PHF14: variants seen among roughly 807,000 people sequenced by gnomAD.
PHF14 encodes the protein PHD finger protein 14.
Under a neutral mutation model 117.9 loss-of-function variants are expected in PHF14, and 55 were observed. The ratio of observed to expected loss-of-function variants is 0.47; its 90% CI spans 0.38 to 0.58. PHF14 has a LOEUF of 0.58. Among genes scored for constraint, PHF14 ranks in the 20% least tolerant of loss-of-function variants. The pLI, the probability that PHF14 is intolerant of heterozygous loss-of-function variation, is 0.00. For synonymous variants in PHF14, 409 were observed against 368.6 expected (o/e 1.11, Z -1.26); for missense variants, 978 against 1,122.2 (o/e 0.87, Z 1.84).
chr7:11,039,468 A>T (rs1329572125), intron 11 of PHF14, among the ~76,000 whole-genome samples: 1 of 152,146 alleles, frequency 6.6e-6, no homozygotes, highest in Non-Finnish European at 1.5e-5. Context: ...TTATTGTTAG[A>T]TGGATTTCTT....
intron 14 of PHF14, among the ~76,000 whole-genome samples, chr7:11,057,625 C>T (rs183162730): frequency 2.6e-5 from 4 of 152,266 alleles, no homozygotes; most frequent in Non-Finnish European, 5.9e-5. Flanking sequence ...CTACCCGCCT[C>T]GGCCTCCCAA....
intron 17 of PHF14, among the ~76,000 whole-genome samples, chr7:11,157,673 G>T (rs1788906115): frequency 6.6e-6 from 1 of 152,052 alleles, no homozygotes; most frequent in Non-Finnish European, 1.5e-5. Flanking sequence ...ATTTTCTAAT[G>T]GTTCTTAAAC....
chr7:11,103,082 A>G (rs1436744143), intron 16 of PHF14: 7 of 972,288 alleles, frequency 7.2e-6, no homozygotes, highest in Non-Finnish European at 6.1e-6. Context: ...TAAAACAACT[A>G]TAGACTCATA....
rs765639713 is a variant in PHF14, at chr7:11,111,343, C to T, written c.2655-7C>T. ...TACACCTACCTATAAATCTGTTTAC[C>T]CTGCAGGTGTGATGAATGCAGACTC... is the stretch of plus-strand genomic sequence containing the variant. On this transcript the variant is annotated splice_region_variant and splice_polypyrimidine_tract_variant and intron_variant, in intron 16 of 17. Coordinates refer to ENST00000634607, the MANE Select transcript of PHF14 (RefSeq NM_001007157.2). The T allele has an allele frequency of 9.0e-6, 13 of 1,442,124 alleles. No individual in the cohort carries two copies. Among genetic ancestry groups the T allele is most frequent in the Admixed American group, 1.7e-5 (1 of 57,272 alleles). The allele number at this position is 1,442,124 out of a possible 1,614,324, so 89.3% of individuals were successfully genotyped here. A position where few individuals can be genotyped will look rare whatever the true frequency, so the allele number is the denominator to read the frequency against.
Position 10,982,939 on chromosome 7 carries a change from C to T in PHF14, c.680C>T (p.Ser227Phe). ...GTAAAGAGAAAAGGGAGATCTGCGT[C>T]TCAGAAAGAGGGAAGTGATGGAGAC... ...TVVKRKGRSA[S>F]QKEGSDGDNE... The change falls in exon 3 of 18, where the codon TCT becomes TTT. Residue 227 changes from serine to phenylalanine, a missense_variant. Ser to Phe is a radical substitution (Grantham distance 155). Around this residue, in one of 7 missense-constraint regions of PHF14, gnomAD observed 414 missense variants for 376.4 expected, o/e 1.10. Transcript: ENST00000634607. 6.2e-7 allele frequency: 1 copy of T among 1,604,006 alleles called. No homozygotes were observed.
intron 2 of PHF14, among the ~76,000 whole-genome samples, chr7:10,977,845 C>T (rs1781919066): frequency 6.6e-6 from 1 of 152,062 alleles, no homozygotes; most frequent in Non-Finnish European, 1.5e-5. Context: ...CATGGTTTTA[C>T]CTAGTTAAAG....
chr7:11,155,811 C>G (rs1043596454), intron 17 of PHF14, among the ~76,000 whole-genome samples: 8 of 151,604 alleles, frequency 5.3e-5, no homozygotes, highest in Admixed American at 5.3e-4. Flanking sequence ...TGACACATAG[C>G]TAGCTAGTTG....
At chr7:10,991,165 TTTTTTATTTTA>T (rs1562564612) in intron 4 of PHF14, among the ~76,000 whole-genome samples, 1 of 151,702 alleles carries the variant, frequency 6.6e-6, no homozygotes. Context: ...TTTTGTGTTC[TTTTTTATTTTA>T]TTTTTATTTA....
chr7:11,043,362 CT>C, intron 13 of PHF14, among the ~76,000 whole-genome samples: 1 of 151,632 alleles, frequency 6.6e-6, no homozygotes, highest in Admixed American at 6.6e-5. Context: ...GAGTTTTATC[CT>C]TTTCTTAATT....
chr7:11,072,491 G>A (rs1583436378), intron 16 of PHF14, among the ~76,000 whole-genome samples: 1 of 152,050 alleles, frequency 6.6e-6, no homozygotes, highest in South Asian at 2.1e-4. Flanking sequence ...CTTTTATCTT[G>A]CCTGTGTTTT....
Position 11,037,217 on chromosome 7 carries a change from T to A in PHF14, c.1980+126T>A, listed in dbSNP as rs1033742400. 9.8e-6 allele frequency: 7 copies of A among 713,302 alleles called. No homozygotes were observed. The African/African-American group carries it at 1.3e-4, about 13-fold the overall frequency. 44.2% of individuals were successfully genotyped at this position (713,302 alleles called of 1,614,324 possible). Reference sequence around the variant, plus strand: ...TCTGGAGCTCTTTGGCTCTTCCCTATAACTCCTACTCCTCATTAGCTTCAT... The same window carrying A: ...TCTGGAGCTCTTTGGCTCTTCCCTAAAACTCCTACTCCTCATTAGCTTCAT... On this transcript the variant is annotated intron_variant, in intron 10 of 17. Transcript: ENST00000634607.
chr7:10,974,407 G>A, intron 1 of PHF14, 83 bp downstream of exon 1: 1 of 1,164,826 alleles, frequency 8.6e-7, no homozygotes, highest in East Asian at 2.5e-5. Context: ...GGGCAGGGGT[G>A]GGAGAGTCCT....
In PHF14 at chr7:11,051,600, C is replaced by T. The variant is rs1317596212; in HGVS notation, c.2313-12C>T. 6.3e-7 allele frequency: 1 copy of T among 1,592,136 alleles called. No homozygotes were observed. The highest frequency in any genetic ancestry group is 8.5e-7 in the Non-Finnish European group (1 of 1,169,876). On this transcript the variant is annotated splice_polypyrimidine_tract_variant and intron_variant, in intron 13 of 17. Coordinates refer to ENST00000634607, the MANE Select transcript of PHF14 (RefSeq NM_001007157.2). Reference sequence around the variant, plus strand: ...AATAAATGCATGACTTAAATTTTTCCCCTTTATGTAGGCAGTGCTCGGAAT... The same window carrying T: ...AATAAATGCATGACTTAAATTTTTCTCCTTTATGTAGGCAGTGCTCGGAAT...
In PHF14 at chr7:10,982,753, C is replaced by T. The variant is rs1437278236; in HGVS notation, c.494C>T (p.Ser165Phe). The change falls in exon 3 of 18, where the codon TCT becomes TTT. Residue 165 changes from serine (S) to phenylalanine (F), a missense_variant. Around this residue, in one of 7 missense-constraint regions of PHF14, gnomAD observed 414 missense variants for 376.4 expected, o/e 1.10. Coordinates refer to ENST00000634607, the MANE Select transcript of PHF14 (RefSeq NM_001007157.2). ...TSPPAVNTSP[S>F]VPTTTTATEE... ...CCTCCTGCTGTTAACACATCCCCTTCTGTTCCCACTACGACAACCGCTACA... is the reference window on the plus strand; with the variant it reads ...CCTCCTGCTGTTAACACATCCCCTTTTGTTCCCACTACGACAACCGCTACA... 6.2e-7 allele frequency: 1 copy of T among 1,613,776 alleles called. No homozygotes were observed. Among genetic ancestry groups the T allele is most frequent in the African/African-American group, 1.3e-5 (1 of 74,928 alleles).
At chr7:11,152,026 T>A (rs1788716284) in intron 17 of PHF14, among the ~76,000 whole-genome samples, 1 of 152,026 alleles carries the variant, frequency 6.6e-6, no homozygotes, top group Non-Finnish European at 1.5e-5. Flanking sequence ...AGAAGGAGAG[T>A]TAATATGTTT....
chr7:11,010,202 T>C (rs1180494725), intron 4 of PHF14, among the ~76,000 whole-genome samples: 1 of 152,170 alleles, frequency 6.6e-6, no homozygotes, highest in Non-Finnish European at 1.5e-5. Context: ...AATAGATTGA[T>C]GATACCGTTT....
In PHF14 at chr7:11,028,702, C is replaced by G. The variant is rs764219494; in HGVS notation, c.1339C>G (p.Pro447Ala). The G allele has an allele frequency of 6.2e-7, 1 of 1,613,202 alleles. No homozygotes were observed. Among genetic ancestry groups the G allele is most frequent in the African/African-American group, 1.3e-5 (1 of 74,954 alleles). ...GTAGGAGTGTAGCTTTTGTGAAGAC[C>G]CTCGCTTTGCTAGAACTGGGGTTTG... ...GAKECSFCED[P>A]RFARTGVCIS... The change falls in exon 7 of 18, where the codon CCT becomes GCT. Residue 447 changes from proline to alanine, a missense_variant. Pro to Ala is a conservative substitution (Grantham distance 27, BLOSUM62 -1). This residue lies in a region of PHF14 where 21 missense variants were observed against 16.5 expected (regional missense o/e 1.27). Transcript: ENST00000634607.
intron 6 of PHF14, among the ~76,000 whole-genome samples, chr7:11,027,070 T>TTA (rs1374880639): frequency 2.6e-5 from 4 of 152,282 alleles, no homozygotes; most frequent in Admixed American, 1.3e-4. Flanking sequence ...GATAGATTGT[T>TTA]TTATAGTCTA....
At chr7:11,097,364 T>C (rs532934159) in intron 16 of PHF14, among the ~76,000 whole-genome samples, 2 of 152,342 alleles carry the variant, frequency 1.3e-5, no homozygotes, top group East Asian at 3.8e-4. Flanking sequence ...ATTTTATCAA[T>C]AAAAGCTAAT....
Sources: allele counts gnomAD v4.1 joint callset (sites outside exome capture counted in the v4.1 genomes callset), GRCh38; gene constraint gnomAD v4.1.1; regional missense constraint gnomAD v4.1.1; transcripts MANE v1.5; gene names NCBI Gene and HGNC (gene_info 2026-07-23, HGNC 2026-07-21).